The following ANKH variants were observed in gnomAD, a reference collection of about 807,000 sequenced individuals.
ANKH encodes the protein mineralization regulator ANKH.
ANKH carries 15 observed loss-of-function variants against 49.0 expected under a neutral mutation model. The observed-to-expected ratio is 0.31, with a 90% confidence interval of 0.20 to 0.47. The LOEUF (loss-of-function observed/expected upper bound fraction) is 0.47, where lower values mean the gene tolerates loss of function less well. Ranked by LOEUF, ANKH falls within the 20% of genes least tolerant of loss-of-function variation. The pLI is 1.00. For synonymous variants in ANKH, 273 were observed against 260.0 expected, an observed-to-expected ratio of 1.05 and a Z score of -0.48; for missense variants, 429 against 652.0, an observed-to-expected ratio of 0.66 and a Z score of 3.72.
chr5:14,715,822 A>G (rs879532677), intron 9 of ANKH, among the ~76,000 whole-genome samples: 5 of 152,336 alleles, frequency 3.3e-5, no homozygotes, highest in Non-Finnish European at 7.3e-5. Context: ...TGTATAGTAC[A>G]CCTCACACCA....
At chr5:14,794,723 TAAG>T (rs1262538954) in intron 1 of ANKH, among the ~76,000 whole-genome samples, 1 of 152,270 alleles carries the variant, frequency 6.6e-6, no homozygotes, top group Non-Finnish European at 1.5e-5. Context: ...GCAAGTCATA[TAAG>T]AAGCTTGCTC....
rs1218860230 is a variant in ANKH, at chr5:14,770,639, C to G, written c.97-1448G>C. 6.6e-6 allele frequency among the ~76,000 whole-genome samples: 1 copy of G among 152,172 alleles called. No individual in the cohort carries two copies. The highest frequency in any genetic ancestry group is 1.5e-5 in the Non-Finnish European group (1 of 68,036). Reference sequence around the variant, plus strand: ...CAAGATGGTGAGAGATTTCATTACACTACTCGGAATGGCATGCAATTTAAA... The same window carrying G: ...CAAGATGGTGAGAGATTTCATTACAGTACTCGGAATGGCATGCAATTTAAA... On this transcript the variant is annotated intron_variant, in intron 1 of 11. Coordinates refer to ENST00000284268, the MANE Select transcript of ANKH (RefSeq NM_054027.6). The surrounding 1 kb of genome is among the most constrained non-coding windows in gnomAD (Gnocchi z 4.1).
At chr5:14,716,867 G>C in intron 8 of ANKH, 32 bp from the exon 9 acceptor site, 1 of 1,612,102 alleles carries the variant, frequency 6.2e-7, no homozygotes, top group South Asian at 1.1e-5. Context: ...AGGGTTGTGA[G>C]GAAAAAGTGT....
intron 8 of ANKH, among the ~76,000 whole-genome samples, chr5:14,739,459 CTATG>C (rs758001652): frequency 1.3e-5 from 2 of 151,944 alleles, no homozygotes; most frequent in African/African-American, 2.4e-5. Context: ...ATATTTTTTT[CTATG>C]TGTCTTTCAG....
intron 8 of ANKH, among the ~76,000 whole-genome samples, chr5:14,732,024 C>T (rs780258974): frequency 5.9e-5 from 9 of 152,134 alleles, no homozygotes; most frequent in East Asian, 1.9e-4. Context: ...TGTGGACACG[C>T]GGGTGTTCTT....
intron 1 of ANKH, among the ~76,000 whole-genome samples, chr5:14,812,206 TG>T (rs1307397400): frequency 1.3e-5 from 2 of 151,268 alleles, no homozygotes; most frequent in Admixed American, 6.6e-5. Context: ...TAAGGGTTAA[TG>T]CTTTCTCAAA....
At chr5:14,814,161 A>G (rs1437561611) in intron 1 of ANKH, among the ~76,000 whole-genome samples, 1 of 152,244 alleles carries the variant, frequency 6.6e-6, no homozygotes, top group Non-Finnish European at 1.5e-5. Context: ...TATTCTCTGC[A>G]TGACATTTTG....
intron 1 of ANKH, among the ~76,000 whole-genome samples, chr5:14,791,347 A>G (rs1220746458): frequency 1.3e-5 from 2 of 152,216 alleles, no homozygotes; most frequent in Non-Finnish European, 2.9e-5. Context: ...GGTGAGGAAC[A>G]GCAAAATGAA....
chr5:14,776,392 G>A (rs1342519702), intron 1 of ANKH, among the ~76,000 whole-genome samples: 2 of 152,172 alleles, frequency 1.3e-5, no homozygotes, highest in Admixed American at 1.3e-4. Flanking sequence ...ACATTTGGAG[G>A]TCATTGGCCT....
chr5:14,851,967 C>G (rs1742133693), intron 1 of ANKH, among the ~76,000 whole-genome samples: 1 of 152,170 alleles, frequency 6.6e-6, no homozygotes, highest in African/African-American at 2.4e-5. Context: ...CACTAGAAAA[C>G]ATAGCTATAA....
At chr5:14,810,853 A>G (rs1286630709) in intron 1 of ANKH, among the ~76,000 whole-genome samples, 1 of 152,246 alleles carries the variant, frequency 6.6e-6, no homozygotes, top group Non-Finnish European at 1.5e-5. Flanking sequence ...ATCATTGTCA[A>G]GGTCATTTTT....
intron 9 of ANKH, among the ~76,000 whole-genome samples, chr5:14,716,446 T>C (rs1012772909): frequency 6.6e-6 from 1 of 152,146 alleles, no homozygotes; most frequent in African/African-American, 2.4e-5. Flanking sequence ...GAGCCGACAT[T>C]GTGCTACTGC....
chr5:14,757,089 T>C (rs948210556), intron 3 of ANKH, among the ~76,000 whole-genome samples: 2 of 152,160 alleles, frequency 1.3e-5, no homozygotes, highest in African/African-American at 4.8e-5. Flanking sequence ...TCTATGTGTG[T>C]AGATTCCCAC....
At chr5:14,734,827 T>G (rs1738124258) in intron 8 of ANKH, among the ~76,000 whole-genome samples, 1 of 152,254 alleles carries the variant, frequency 6.6e-6, no homozygotes, top group Admixed American at 6.5e-5. Flanking sequence ...TATAATTTTG[T>G]GCCAAATCAA....
At chr5:14,772,347 A>T (rs548262163) in intron 1 of ANKH, among the ~76,000 whole-genome samples, 1 of 152,326 alleles carries the variant, frequency 6.6e-6, no homozygotes, top group African/African-American at 2.4e-5. Flanking sequence ...GTGAAATATA[A>T]TTTTTAGAAA....
chr5:14,817,866 T>C (rs1741084493), intron 1 of ANKH, among the ~76,000 whole-genome samples: 2 of 152,016 alleles, frequency 1.3e-5, no homozygotes, highest in South Asian at 2.1e-4. Context: ...AAGTAACCAA[T>C]GGCCTTGGTC....
chr5:14,854,062 A>G (rs1742191996), intron 1 of ANKH, among the ~76,000 whole-genome samples: 1 of 152,248 alleles, frequency 6.6e-6, no homozygotes, highest in Non-Finnish European at 1.5e-5. Context: ...ATTCATAAAT[A>G]GTTTTGAATT....
At chr5:14,715,838 T>C (rs557985738) in intron 9 of ANKH, among the ~76,000 whole-genome samples, 33 of 152,366 alleles carry the variant, frequency 2.2e-4, no homozygotes, top group African/African-American at 7.9e-4. Context: ...CACCACTATA[T>C]TGGCTTGGTA....
intron 1 of ANKH, among the ~76,000 whole-genome samples, chr5:14,806,062 G>A (rs561197810): frequency 2.0e-5 from 3 of 152,256 alleles, no homozygotes; most frequent in Admixed American, 1.3e-4. Context: ...AAGGAGACAT[G>A]GAGCAATAAT....
Sources: gnomAD v4.1 joint callset for allele counts (sites outside exome capture counted in the v4.1 genomes callset) on GRCh38, gnomAD v4.1.1 for gene constraint, Gnocchi (gnomAD v3.1) non-coding constraint, MANE v1.5 for transcripts, NCBI Gene and HGNC (gene_info 2026-07-23, HGNC 2026-07-21) for gene names.